ARHGEF4: variants seen among roughly 807,000 people sequenced by gnomAD.
The protein encoded by ARHGEF4 is APC-stimulated guanine nucleotide exchange factor 1.
A neutral mutation model predicts 162.0 loss-of-function variants in ARHGEF4; 119 were observed. That is an observed-to-expected ratio of 0.73 (90% confidence interval 0.63 to 0.86). The LOEUF (loss-of-function observed/expected upper bound fraction) is 0.86, where lower values mean the gene tolerates loss of function less well. Among genes scored for constraint, ARHGEF4 ranks in the 40% least tolerant of loss-of-function variants. The probability of loss-of-function intolerance (pLI) is 0.00; values close to 1 mark genes in which losing one functional copy is unlikely to be tolerated. For missense variants in ARHGEF4, 2,488 were observed against 2,456.0 expected, an observed-to-expected ratio of 1.01 and a Z score of -0.28; for synonymous variants, 1,014 against 979.9, an observed-to-expected ratio of 1.03 and a Z score of -0.65.
chr2:130,896,508 C>T (rs966664133), intron 1 of ARHGEF4, among the ~76,000 whole-genome samples: 4 of 152,164 alleles, frequency 2.6e-5, no homozygotes, highest in Admixed American at 6.6e-5. Context: ...ATGTTCCGGG[C>T]GCCTAGTTGA....
intron 1 of ARHGEF4, among the ~76,000 whole-genome samples, chr2:130,907,642 AT>A (rs747363634): frequency 1.3e-5 from 2 of 151,962 alleles, no homozygotes; most frequent in Non-Finnish European, 2.9e-5. Flanking sequence ...TATGACTGGT[AT>A]GTTCTAGCTA....
chr2:130,917,491 G>C lies in ARHGEF4; in HGVS notation c.3545G>C (p.Gly1182Ala). 1 of 1,548,686 alleles carries C rather than the reference G, an allele frequency of 6.5e-7. No individual in the cohort carries two copies. The highest frequency in any genetic ancestry group is 1.4e-5 in the African/African-American group (1 of 73,056). Residue 1182 changes from glycine (G) to alanine (A), a missense_variant, in exon 2 of 14, where the codon GGG becomes GCG. Around this residue, in one of 6 missense-constraint regions of ARHGEF4, gnomAD observed 1,642 missense variants for 1,481.5 expected, o/e 1.11. Transcript: ENST00000409359. Reference sequence around the variant, plus strand: ...GTGCCCTGGCTCAGGGACCTTCCTGGGAGTGAGGTGAGTATCTGAATCGCA... The same window carrying C: ...GTGCCCTGGCTCAGGGACCTTCCTGCGAGTGAGGTGAGTATCTGAATCGCA... Reference protein sequence around the residue: ...GTVPWLRDLPGSENHMPWEEP... With the variant: ...GTVPWLRDLPASENHMPWEEP...
chr2:130,847,855 C>T (rs1033643495), intron 1 of ARHGEF4, among the ~76,000 whole-genome samples: 6 of 152,350 alleles, frequency 3.9e-5, no homozygotes, highest in East Asian at 3.9e-4. Context: ...CTCCACTGCC[C>T]CTGGCATGAG....
At chr2:131,039,659 C>T (rs1690608020) in intron 6 of ARHGEF4, 1 of 1,177,692 alleles carries the variant, frequency 8.5e-7, no homozygotes, top group Non-Finnish European at 1.1e-6. Flanking sequence ...GCATGTTAGC[C>T]AGCGGGCGCG....
Position 130,940,578 on chromosome 2 carries a change from C to T in ARHGEF4, c.3859-5931C>T, listed in dbSNP as rs193027610. On this transcript the variant is annotated intron_variant, in intron 3 of 13. Transcript: ENST00000409359. ...GGAGTAGGCCGGGCGCGGTGGCTCA[C>T]GCTTGTAATCCCAGCACTTTGGGAG... Among the ~76,000 whole-genome samples, 1,113 of 151,334 alleles carry T rather than the reference C, an allele frequency of 7.4e-3. 6 individuals carry two copies. Among genetic ancestry groups the T allele is most frequent in the Non-Finnish European group, 0.012 (824 of 67,872 alleles).
chr2:131,039,615 T>C, intron 6 of ARHGEF4: 1 of 1,061,724 alleles, frequency 9.4e-7, no homozygotes. Context: ...CCTGGGAAAC[T>C]GTCCACTCCG....
chr2:130,985,225 C>T (rs1039076388), intron 4 of ARHGEF4, among the ~76,000 whole-genome samples: 5 of 152,102 alleles, frequency 3.3e-5, no homozygotes, highest in Non-Finnish European at 5.9e-5. Context: ...GATGGAAACT[C>T]GCTTCCAGCC....
chr2:131,045,968 C>G, intron 13 of ARHGEF4, 70 bp from the exon 14 acceptor site: 1 of 1,551,144 alleles, frequency 6.4e-7, no homozygotes, highest in East Asian at 2.3e-5. Context: ...GGACCCCATG[C>G]TGTCCCCAAC....
chr2:131,026,342 C>T (rs185597395), intron 4 of ARHGEF4, among the ~76,000 whole-genome samples: 1 of 152,128 alleles, frequency 6.6e-6, no homozygotes, highest in Non-Finnish European at 1.5e-5. Context: ...ACACAGAAAA[C>T]ATACACCAAA....
At chr2:130,953,746 A>G (rs1214334405) in intron 4 of ARHGEF4, among the ~76,000 whole-genome samples, 1 of 152,266 alleles carries the variant, frequency 6.6e-6, no homozygotes, top group Non-Finnish European at 1.5e-5. Context: ...GGCAAAGGAT[A>G]TGAACAGACA....
At chr2:130,913,791 G>T (rs1216483837) in intron 1 of ARHGEF4, among the ~76,000 whole-genome samples, 195 bp from the exon 2 acceptor site, 1 of 152,168 alleles carries the variant, frequency 6.6e-6, no homozygotes, top group African/African-American at 2.4e-5. Flanking sequence ...CCTACTGATT[G>T]GGTTTGGCTT....
At position 131,038,863 on chromosome 2, in the gene ARHGEF4, ATGGCAGTG is replaced by A; in HGVS notation, c.4140_4147del (p.Ser1381LeufsTer3). 6.2e-7 allele frequency: 1 copy of A among 1,608,212 alleles called. No individual in the cohort carries two copies. Among genetic ancestry groups the A allele is most frequent in the East Asian group, 2.2e-5 (1 of 44,726 alleles). The stretch of plus-strand genomic sequence containing the variant: ...TGGCTCTCTCGGCAGCTCATCAGCG[ATGGCAGTG>A]TGGTCTGCGCTGAAGCACTCTGGGA... On this transcript the variant is annotated frameshift_variant, in exon 6 of 14. Transcript: ENST00000409359. LOFTEE classifies it high-confidence loss of function.
chr2:131,035,770 C>G lies in ARHGEF4; in HGVS notation c.4126-3083C>G, dbSNP rs571957245. On this transcript the variant is annotated intron_variant, in intron 5 of 13. Coordinates refer to ENST00000409359, the MANE Select transcript of ARHGEF4 (RefSeq NM_001367493.1). Reference sequence around the variant, plus strand: ...CCTCTGCCCCCCTTGCACGTGGGCCCTCTGAAGCCCCCACCCCTGCTGCAC... The same window carrying G: ...CCTCTGCCCCCCTTGCACGTGGGCCGTCTGAAGCCCCCACCCCTGCTGCAC... 308 of 985,162 alleles carry G rather than the reference C, an allele frequency of 3.1e-4. 1 individual carries two copies. The highest frequency in any genetic ancestry group is 3.5e-4 in the Non-Finnish European group (292 of 829,784). 61.0% of individuals were successfully genotyped at this position (985,162 alleles called of 1,614,324 possible).
At chr2:130,969,631 T>A (rs575616552) in intron 4 of ARHGEF4, among the ~76,000 whole-genome samples, 30 of 152,300 alleles carry the variant, frequency 2.0e-4, no homozygotes, top group African/African-American at 6.7e-4. Flanking sequence ...AAACTATCGT[T>A]ATGTCAGAGG....
intron 1 of ARHGEF4, among the ~76,000 whole-genome samples, chr2:130,884,692 A>G (rs1160813668): frequency 2.6e-5 from 4 of 152,154 alleles, no homozygotes; most frequent in Non-Finnish European, 5.9e-5. Flanking sequence ...ATACAAAGCA[A>G]TATATGGAAC....
chr2:130,909,568 C>G (rs901832140), intron 1 of ARHGEF4, among the ~76,000 whole-genome samples: 3 of 151,770 alleles, frequency 2.0e-5, no homozygotes, highest in Admixed American at 1.3e-4. Flanking sequence ...TGATGGTGGT[C>G]ATGGTTTCAC....
At chr2:131,000,545 A>G (rs1264863725) in intron 4 of ARHGEF4, among the ~76,000 whole-genome samples, 1 of 152,140 alleles carries the variant, frequency 6.6e-6, no homozygotes, top group Non-Finnish European at 1.5e-5. Flanking sequence ...TCTGTACAAA[A>G]CCATCTGAGC....
At chr2:130,884,833 G>A (rs575505183) in intron 1 of ARHGEF4, among the ~76,000 whole-genome samples, 12 of 152,136 alleles carry the variant, frequency 7.9e-5, no homozygotes, top group African/African-American at 2.2e-4. Context: ...GGAATCATAC[G>A]CCATAGAACA....
chr2:130,991,870 C>CCGGTG (rs1419040258), intron 4 of ARHGEF4, among the ~76,000 whole-genome samples: 1 of 152,238 alleles, frequency 6.6e-6, no homozygotes, highest in Non-Finnish European at 1.5e-5. Context: ...ACCTGCAGCC[C>CCGGTG]CGGTGCGGGA....
Sources: gnomAD v4.1 joint callset for allele counts (sites outside exome capture counted in the v4.1 genomes callset) on GRCh38, gnomAD v4.1.1 for gene constraint, gnomAD v4.1.1 regional missense constraint, MANE v1.5 for transcripts, NCBI Gene and HGNC (gene_info 2026-07-23, HGNC 2026-07-21) for gene names.